The following PRR18 variants were observed in gnomAD, a reference collection of about 807,000 sequenced individuals.
The protein encoded by PRR18 is proline-rich protein 18.
For synonymous variants in PRR18, 228 were observed against 220.2 expected (o/e 1.04, Z -0.32); for missense variants, 517 against 437.4 (o/e 1.18, Z -1.62).
At position 166,306,962 on chromosome 6, in the gene PRR18, C is replaced by T. The variant is rs1778104614; in HGVS notation, c.*293G>A. Reference sequence around the variant, plus strand: ...ATTCCCCACGAACTGCATGGATGCTCGGCGATGCCAAGAGGAGGCCAGAGT... The same window carrying T: ...ATTCCCCACGAACTGCATGGATGCTTGGCGATGCCAAGAGGAGGCCAGAGT... On this transcript the variant is annotated 3_prime_UTR_variant, in exon 1 of 1. Transcript: ENST00000322583. 8.1e-6 allele frequency: 3 copies of T among 368,782 alleles called. No individual in the cohort carries two copies. The highest frequency in any genetic ancestry group is 2.1e-5 in the African/African-American group (1 of 47,408). 22.8% of individuals were successfully genotyped at this position (368,782 alleles called of 1,614,324 possible). A position where few individuals can be genotyped will look rare whatever the true frequency, so the allele number is the denominator to read the frequency against.
At position 166,307,168 on chromosome 6, in the gene PRR18, G is replaced by A; in HGVS notation, c.*87C>T. On this transcript the variant is annotated 3_prime_UTR_variant, in exon 1 of 1. Transcript: ENST00000322583. ...GCGCTGGCGGCCAGAGGAGCCTGCG[G>A]TCTCCCCCGAGGGCCCCTAGGCGGA... is the stretch of plus-strand genomic sequence containing the variant. The A allele has an allele frequency of 3.2e-6, 4 of 1,259,930 alleles. No individual in the cohort carries two copies. Among genetic ancestry groups the A allele is most frequent in the Non-Finnish European group, 4.1e-6 (4 of 983,064 alleles). 78.0% of individuals were successfully genotyped at this position (1,259,930 alleles called of 1,614,324 possible). A position where few individuals can be genotyped will look rare whatever the true frequency, so the allele number is the denominator to read the frequency against.
Position 166,307,252 on chromosome 6 carries a change from G to T in PRR18, c.*3C>A. On this transcript the variant is annotated 3_prime_UTR_variant, in exon 1 of 1. Transcript: ENST00000322583. Reference sequence around the variant, plus strand: ...CTGGCCTGTCCCCGCAGGCCCGCTGGGCTCACAGCGTGCTCAGGTGCCGCC... The same window carrying T: ...CTGGCCTGTCCCCGCAGGCCCGCTGTGCTCACAGCGTGCTCAGGTGCCGCC... The T allele has an allele frequency of 6.8e-7, 1 of 1,470,082 alleles. No individual in the cohort carries two copies. The highest frequency in any genetic ancestry group is 8.9e-7 in the Non-Finnish European group (1 of 1,120,854). 91.1% of individuals were successfully genotyped at this position (1,470,082 alleles called of 1,614,324 possible). A position where few individuals can be genotyped will look rare whatever the true frequency, so the allele number is the denominator to read the frequency against.
chr6:166,307,649 G>C lies in PRR18; in HGVS notation c.494C>G (p.Pro165Arg). 2 of 1,456,824 alleles carry C rather than the reference G, an allele frequency of 1.4e-6. No homozygotes were observed. The highest frequency in any genetic ancestry group is 2.3e-5 in the Admixed American group (1 of 43,474). The allele number at this position is 1,456,824 out of a possible 1,614,324, so 90.2% of individuals were successfully genotyped here. A position where few individuals can be genotyped will look rare whatever the true frequency, so the allele number is the denominator to read the frequency against. The change falls in exon 1 of 1, where the codon CCC (proline) becomes CGC (arginine). Residue 165 changes from proline (P) to arginine (R), a missense_variant. Physicochemically the swap from Pro to Arg is moderately radical, Grantham distance 103. Transcript: ENST00000322583. Reference sequence around the variant, plus strand: ...GCGCCTGGGTTCGGCCGAGGGTGAGGGGAAGGGCCTGCGGGGCCGCGCCAG... The same window carrying C: ...GCGCCTGGGTTCGGCCGAGGGTGAGCGGAAGGGCCTGCGGGGCCGCGCCAG... ...QLLARPRRPF[P>R]SPSAEPRRLL... is the part of the protein sequence containing the mutation.
Position 166,307,786 on chromosome 6 carries a change from C to T in PRR18, c.357G>A (p.Ala119=), listed in dbSNP as rs1486799498. ...AAGGCCCCGCCCCCGAGGAGGTGCC[C>T]GCGGCGGTGGTCCCCGTCCCCGCCG... ...ATSAGTGTTA[A]GTSSGAGPCP... is the part of the protein sequence containing the mutation. Residue 119 remains alanine (A), a synonymous_variant, in exon 1 of 1, where the codon GCG becomes GCA. Coordinates refer to ENST00000322583, the MANE Select transcript of PRR18 (RefSeq NM_175922.4). 1.4e-6 allele frequency: 2 copies of T among 1,466,408 alleles called. No homozygotes were observed. The highest frequency in any genetic ancestry group is 2.2e-5 in the Admixed American group (1 of 46,138). The allele number at this position is 1,466,408 out of a possible 1,614,324, so 90.8% of individuals were successfully genotyped here. A position where few individuals can be genotyped will look rare whatever the true frequency, so the allele number is the denominator to read the frequency against.
In PRR18 at chr6:166,307,913, G is replaced by T. The variant is rs1778134634; in HGVS notation, c.230C>A (p.Pro77His). ...CCGCGCGCGGCTGGGCAAGGCCTGG[G>T]GGGAGACGCCCGGAGGGGCCGGCGG... ...TQPPAPPGVS[P>H]QALPSRARAP... The change falls in exon 1 of 1, where the codon CCC becomes CAC. Residue 77 changes from proline (P) to histidine (H), a missense_variant. Transcript: ENST00000322583. 8.2e-7 allele frequency: 1 copy of T among 1,226,854 alleles called. No homozygotes were observed. Among genetic ancestry groups the T allele is most frequent in the Non-Finnish European group, 1.0e-6 (1 of 982,958 alleles). The allele number at this position is 1,226,854 out of a possible 1,614,324, so 76.0% of individuals were successfully genotyped here.
chr6:166,307,871 G>T lies in PRR18; in HGVS notation c.272C>A (p.Ala91Asp). 8.0e-7 allele frequency: 1 copy of T among 1,251,936 alleles called. No individual in the cohort carries two copies. The highest frequency in any genetic ancestry group is 1.0e-6 in the Non-Finnish European group (1 of 999,308). The allele number at this position is 1,251,936 out of a possible 1,614,324, so 77.6% of individuals were successfully genotyped here. ...GCCGGAGCCTGCCGGCCGGGGCGGG[G>T]CGCACGTGGCTGGGGCCCGCGCGCG... is the stretch of plus-strand genomic sequence containing the variant. ...PSRARAPATC[A>D]PPRPAGSGHS... The change falls in exon 1 of 1, where the codon GCC (alanine) becomes GAC (aspartate). Residue 91 changes from alanine (A) to aspartate (D), a missense_variant. Ala to Asp is a moderately radical substitution (Grantham distance 126). Coordinates refer to ENST00000322583, the MANE Select transcript of PRR18 (RefSeq NM_175922.4).
chr6:166,307,795 G>A lies in PRR18; in HGVS notation c.348C>T (p.Thr116=). 1 of 1,450,324 alleles carries A rather than the reference G, an allele frequency of 6.9e-7. No homozygotes were observed. Among genetic ancestry groups the A allele is most frequent in the African/African-American group, 1.5e-5 (1 of 68,920 alleles). 89.8% of individuals were successfully genotyped at this position (1,450,324 alleles called of 1,614,324 possible). A position where few individuals can be genotyped will look rare whatever the true frequency, so the allele number is the denominator to read the frequency against. The change falls in exon 1 of 1, where the codon ACC becomes ACT. Residue 116 remains threonine (T), a synonymous_variant. Coordinates refer to ENST00000322583, the MANE Select transcript of PRR18 (RefSeq NM_175922.4). ...CCCCCGAGGAGGTGCCCGCGGCGGT[G>A]GTCCCCGTCCCCGCCGAGGTCGCCG... ...TYAATSAGTG[T]TAAGTSSGAG...
chr6:166,308,096 GC>G lies in PRR18; in HGVS notation c.46del (p.Ala16ProfsTer122), dbSNP rs1234275731. 1.6e-6 allele frequency: 2 copies of G among 1,233,440 alleles called. No homozygotes were observed. The highest frequency in any genetic ancestry group is 1.0e-6 in the Non-Finnish European group (1 of 986,048). 76.4% of individuals were successfully genotyped at this position (1,233,440 alleles called of 1,614,324 possible). A position where few individuals can be genotyped will look rare whatever the true frequency, so the allele number is the denominator to read the frequency against. ...CCGGGGTAACTGGCGCGCGGCTTGG[GC>G]CCCCGGGGCGGGGGCGGGCGGCGGC... ...MPPPPAPAPGAQAARQLPRRP... is the reference protein window; with the variant it reads ...MPPPPAPAPGXQAARQLPRRP... On this transcript the variant is annotated frameshift_variant, in exon 1 of 1. Coordinates refer to ENST00000322583, the MANE Select transcript of PRR18 (RefSeq NM_175922.4). LOFTEE classifies it low-confidence loss of function (END_TRUNC).
In PRR18 at chr6:166,306,685, T is replaced by C. The variant is rs1293960678; in HGVS notation, c.*570A>G. Reference sequence around the variant, plus strand: ...TCAGGGATGTCTAATACCCTCAACATTTTTCTGACTTGGGAGAAAACAAAA... The same window carrying C: ...TCAGGGATGTCTAATACCCTCAACACTTTTCTGACTTGGGAGAAAACAAAA... On this transcript the variant is annotated 3_prime_UTR_variant, in exon 1 of 1. Coordinates refer to ENST00000322583, the MANE Select transcript of PRR18 (RefSeq NM_175922.4). 1 of 152,346 alleles carries C rather than the reference T, an allele frequency of 6.6e-6. No individual in the cohort carries two copies. Among genetic ancestry groups the C allele is most frequent in the Non-Finnish European group, 1.5e-5 (1 of 68,106 alleles). The allele number at this position is 152,346 out of a possible 1,614,324, so 9.4% of individuals were successfully genotyped here.
In PRR18 at chr6:166,306,977, G is replaced by C; in HGVS notation, c.*278C>G. The C allele has an allele frequency of 2.6e-6, 1 of 387,856 alleles. No individual in the cohort carries two copies. The highest frequency in any genetic ancestry group is 3.8e-5 in the East Asian group (1 of 26,084). The allele number at this position is 387,856 out of a possible 1,614,324, so 24.0% of individuals were successfully genotyped here. A position where few individuals can be genotyped will look rare whatever the true frequency, so the allele number is the denominator to read the frequency against. ...CATGGATGCTCGGCGATGCCAAGAG[G>C]AGGCCAGAGTGGGGGCAGAGGCAGG... On this transcript the variant is annotated 3_prime_UTR_variant, in exon 1 of 1. Transcript: ENST00000322583.
Position 166,306,906 on chromosome 6 carries a change from G to C in PRR18, c.*349C>G, listed in dbSNP as rs1167200392. The stretch of plus-strand genomic sequence containing the variant: ...GGACCTAGACGAACCCTGGGGGTCG[G>C]GGCACCAAGAGGCATTTTCTCAGTT... On this transcript the variant is annotated 3_prime_UTR_variant, in exon 1 of 1. Transcript: ENST00000322583. 4.3e-6 allele frequency: 1 copy of C among 229,944 alleles called. No individual in the cohort carries two copies. The highest frequency in any genetic ancestry group is 2.3e-5 in the African/African-American group (1 of 44,112). The allele number at this position is 229,944 out of a possible 1,614,324, so 14.2% of individuals were successfully genotyped here.
In PRR18 at chr6:166,306,794, A is replaced by AGGGTGCCCGGCGCCCT. The variant is rs1394945265; in HGVS notation, c.*460_*461insAGGGCGCCGGGCACCC. On this transcript the variant is annotated 3_prime_UTR_variant, in exon 1 of 1. Coordinates refer to ENST00000322583, the MANE Select transcript of PRR18 (RefSeq NM_175922.4). ...TGGGCCATCGCCCACCGCACTGTCC[A>AGGGTGCCCGGCGCCCT]GGGTGCCCGGCGCCGGCTGAGGGTG... The AGGGTGCCCGGCGCCCT allele has an allele frequency of 1.3e-5, 2 of 158,120 alleles. No individual in the cohort carries two copies. The highest frequency in any genetic ancestry group is 4.8e-5 in the African/African-American group (2 of 41,662). 9.8% of individuals were successfully genotyped at this position (158,120 alleles called of 1,614,324 possible). A position where few individuals can be genotyped will look rare whatever the true frequency, so the allele number is the denominator to read the frequency against.
At position 166,307,184 on chromosome 6, in the gene PRR18, C is replaced by T. The variant is rs1465718094; in HGVS notation, c.*71G>A. 2 of 1,326,140 alleles carry T rather than the reference C, an allele frequency of 1.5e-6. No individual in the cohort carries two copies. Among genetic ancestry groups the T allele is most frequent in the African/African-American group, 1.5e-5 (1 of 65,236 alleles). The allele number at this position is 1,326,140 out of a possible 1,614,324, so 82.1% of individuals were successfully genotyped here. ...GAGCCTGCGGTCTCCCCCGAGGGCC[C>T]CTAGGCGGAGTGGCGCGTGCAGGAA... On this transcript the variant is annotated 3_prime_UTR_variant, in exon 1 of 1. Transcript: ENST00000322583.
At position 166,307,926 on chromosome 6, in the gene PRR18, G is replaced by A; in HGVS notation, c.217C>T (p.Pro73Ser). The change falls in exon 1 of 1, where the codon CCG becomes TCG. Residue 73 changes from proline (P) to serine (S), a missense_variant. Transcript: ENST00000322583. ...GLDRTQPPAP[P>S]GVSPQALPSR... Reference sequence around the variant, plus strand: ...GGCAAGGCCTGGGGGGAGACGCCCGGAGGGGCCGGCGGCTGCGTCCTGTCC... The same window carrying A: ...GGCAAGGCCTGGGGGGAGACGCCCGAAGGGGCCGGCGGCTGCGTCCTGTCC... 8.2e-7 allele frequency: 1 copy of A among 1,225,840 alleles called. No homozygotes were observed. Among genetic ancestry groups the A allele is most frequent in the Non-Finnish European group, 1.0e-6 (1 of 981,268 alleles). 75.9% of individuals were successfully genotyped at this position (1,225,840 alleles called of 1,614,324 possible). A position where few individuals can be genotyped will look rare whatever the true frequency, so the allele number is the denominator to read the frequency against.
Position 166,307,934 on chromosome 6 carries a change from G to C in PRR18, c.209C>G (p.Pro70Arg). The C allele has an allele frequency of 1.6e-6, 2 of 1,227,110 alleles. No individual in the cohort carries two copies. The highest frequency in any genetic ancestry group is 2.0e-6 in the Non-Finnish European group (2 of 981,466). 76.0% of individuals were successfully genotyped at this position (1,227,110 alleles called of 1,614,324 possible). A position where few individuals can be genotyped will look rare whatever the true frequency, so the allele number is the denominator to read the frequency against. Residue 70 changes from proline (P) to arginine (R), a missense_variant, in exon 1 of 1, where the codon CCG becomes CGG. By Grantham distance (103) the Pro-to-Arg change is moderately radical (BLOSUM62 -2). Coordinates refer to ENST00000322583, the MANE Select transcript of PRR18 (RefSeq NM_175922.4). ...CTGGGGGGAGACGCCCGGAGGGGCC[G>C]GCGGCTGCGTCCTGTCCAGGCCGGG... ...RGPGLDRTQP[P>R]APPGVSPQAL...
chr6:166,307,964 C>T lies in PRR18; in HGVS notation c.179G>A (p.Arg60His). 8.1e-7 allele frequency: 1 copy of T among 1,232,744 alleles called. No individual in the cohort carries two copies. The highest frequency in any genetic ancestry group is 1.0e-6 in the Non-Finnish European group (1 of 982,302). 76.4% of individuals were successfully genotyped at this position (1,232,744 alleles called of 1,614,324 possible). ...SATLKRPPAR[R>H]GPGLDRTQPP... Reference sequence around the variant, plus strand: ...CTGCGTCCTGTCCAGGCCGGGGCCGCGCCGGGCCGGCGGCCTCTTGAGCGT... The same window carrying T: ...CTGCGTCCTGTCCAGGCCGGGGCCGTGCCGGGCCGGCGGCCTCTTGAGCGT... The change falls in exon 1 of 1, where the codon CGC becomes CAC. Residue 60 changes from arginine to histidine, a missense_variant. Transcript: ENST00000322583.
chr6:166,307,862 C>T lies in PRR18; in HGVS notation c.281G>A (p.Arg94Gln). The stretch of plus-strand genomic sequence containing the variant: ...TGGGCTGTGGCCGGAGCCTGCCGGC[C>T]GGGGCGGGGCGCACGTGGCTGGGGC... ...ARAPATCAPP[R>Q]PAGSGHSPAR... Residue 94 changes from arginine to glutamine, a missense_variant, in exon 1 of 1, where the codon CGG becomes CAG. Physicochemically the swap from Arg to Gln is conservative, Grantham distance 43 (BLOSUM62 1). Coordinates refer to ENST00000322583, the MANE Select transcript of PRR18 (RefSeq NM_175922.4). 1 of 1,254,942 alleles carries T rather than the reference C, an allele frequency of 8.0e-7. No individual in the cohort carries two copies. The highest frequency in any genetic ancestry group is 1.0e-6 in the Non-Finnish European group (1 of 1,000,738). The allele number at this position is 1,254,942 out of a possible 1,614,324, so 77.7% of individuals were successfully genotyped here. A position where few individuals can be genotyped will look rare whatever the true frequency, so the allele number is the denominator to read the frequency against.
chr6:166,308,086 C>A lies in PRR18; in HGVS notation c.57G>T (p.Ala19=). Residue 19 remains alanine, a synonymous_variant, in exon 1 of 1, where the codon GCG becomes GCT. Transcript: ENST00000322583. The part of the protein sequence containing the change: ...PPAPAPGAQA[A]RQLPRRPCAA... The stretch of plus-strand genomic sequence containing the variant: ...CGCAGGGCCTCCGGGGTAACTGGCG[C>A]GCGGCTTGGGCCCCCGGGGCGGGGG... 2 of 1,235,364 alleles carry A rather than the reference C, an allele frequency of 1.6e-6. No individual in the cohort carries two copies. Among genetic ancestry groups the A allele is most frequent in the South Asian group, 4.1e-5 (1 of 24,310 alleles). 76.5% of individuals were successfully genotyped at this position (1,235,364 alleles called of 1,614,324 possible).
rs1036777687 is a variant in PRR18, at chr6:166,305,947, G to C, written c.*1308C>G. 1 of 152,184 alleles carries C rather than the reference G, an allele frequency of 6.6e-6. No individual in the cohort carries two copies. The highest frequency in any genetic ancestry group is 1.5e-5 in the Non-Finnish European group (1 of 68,046). 9.4% of individuals were successfully genotyped at this position (152,184 alleles called of 1,614,324 possible). On this transcript the variant is annotated 3_prime_UTR_variant, in exon 1 of 1. Transcript: ENST00000322583. ...GGACGGCGCACTCAGAGACCATCTG[G>C]GTGGGGGTGGAACAAGAGCAGCACC... is the stretch of plus-strand genomic sequence containing the variant.
Sources: gnomAD v4.1 joint callset for allele counts on GRCh38, gnomAD v4.1.1 for gene constraint, MANE v1.5 for transcripts, NCBI Gene and HGNC (gene_info 2026-07-23, HGNC 2026-07-21) for gene names.